MRNIP: variants seen among roughly 807,000 people sequenced by gnomAD.
MRNIP encodes MRN complex interacting protein.
Under a neutral mutation model 29.8 loss-of-function variants are expected in MRNIP, and 30 were observed. The ratio of observed to expected loss-of-function variants is 1.01; its 90% CI spans 0.75 to 1.36. MRNIP has a LOEUF of 1.36. Among genes scored for constraint, MRNIP ranks in the 40% most tolerant of loss-of-function variants. The pLI is 0.00. For missense variants in MRNIP, 459 were observed against 423.5 expected, an observed-to-expected ratio of 1.08 and a Z score of -0.74; for synonymous variants, 201 against 164.1, an observed-to-expected ratio of 1.23 and a Z score of -1.72.
rs1449639129 is a variant in MRNIP at position 179,843,004 on chromosome 5, G to C, written c.292-940C>G. 1.2e-4 allele frequency among the ~76,000 whole-genome samples: 18 copies of C among 144,486 alleles called. No individual in the cohort carries two copies. The East Asian group carries it at 2.9e-3, about 23-fold the overall frequency. The allele number at this position is 144,486 out of a possible 152,430, so 94.8% of individuals were successfully genotyped here. Reference sequence around the variant, plus strand: ...GCTGAGATCACGCCACTGCACTCCGGCTGGGGGACACAGCGAGACTCTGTC... The same window carrying C: ...GCTGAGATCACGCCACTGCACTCCGCCTGGGGGACACAGCGAGACTCTGTC... On this transcript the variant is annotated intron_variant, in intron 4 of 6. Transcript: ENST00000292586.
intron 4 of MRNIP, among the ~76,000 whole-genome samples, chr5:179,843,645 T>C: frequency 6.6e-6 from 1 of 151,950 alleles, no homozygotes; most frequent in Non-Finnish European, 1.5e-5. Context: ...GAGCCTGAGG[T>C]GGGAGGATCA....
At chr5:179,841,187 C>T (rs1758868552) in intron 5 of MRNIP, 2 of 545,196 alleles carry the variant, frequency 3.7e-6, no homozygotes, top group Non-Finnish European at 6.6e-6. Context: ...TCACCGGCAC[C>T]CAGGCTGGAG....
rs558573502 is a variant in MRNIP at position 179,853,779 on chromosome 5, C to A, written c.67-342G>T. On this transcript the variant is annotated intron_variant, in intron 1 of 6. Coordinates refer to ENST00000292586, the MANE Select transcript of MRNIP (RefSeq NM_016175.4). Reference sequence around the variant, plus strand: ...AGGGTGAGACTCCATCTCAAAAAAACAAACAAACAAACAAAAAACAAATGG... The same window carrying A: ...AGGGTGAGACTCCATCTCAAAAAAAAAAACAAACAAACAAAAAACAAATGG... Among the ~76,000 whole-genome samples the A allele has an allele frequency of 7.0e-3, 1,058 of 152,028 alleles. 15 individuals are homozygous for A. The highest frequency in any genetic ancestry group is 0.025 in the African/African-American group (1,033 of 41,476).
At chr5:179,852,838 C>T (rs1010683744) in intron 2 of MRNIP, among the ~76,000 whole-genome samples, 5 of 152,138 alleles carry the variant, frequency 3.3e-5, no homozygotes, top group African/African-American at 1.2e-4. Context: ...ACTGAAAAGA[C>T]GTACTGAATG....
intron 1 of MRNIP, among the ~76,000 whole-genome samples, chr5:179,854,703 C>T (rs1759509526): frequency 6.6e-6 from 1 of 152,022 alleles, no homozygotes; most frequent in Non-Finnish European, 1.5e-5. Flanking sequence ...CTCGCAAAAC[C>T]AAATCCAAAC....
intron 1 of MRNIP, among the ~76,000 whole-genome samples, chr5:179,857,808 T>C (rs1582062158): frequency 6.6e-6 from 1 of 151,154 alleles, no homozygotes; most frequent in African/African-American, 2.4e-5. Context: ...AGGTCAGGAG[T>C]TCGAGACCGG....
chr5:179,848,905 G>A (rs1759236656), intron 2 of MRNIP, among the ~76,000 whole-genome samples: 1 of 152,216 alleles, frequency 6.6e-6, no homozygotes, highest in Non-Finnish European at 1.5e-5. Context: ...CAGCAAAGAG[G>A]CCAGCATCGC....
intron 4 of MRNIP, 122 bp downstream of exon 4, chr5:179,844,030 G>A (rs1759022825): frequency 1.3e-6 from 1 of 799,680 alleles, no homozygotes; most frequent in East Asian, 2.5e-5. Context: ...GCAGCTTTAA[G>A]CCAACTGCCT....
intron 3 of MRNIP, among the ~76,000 whole-genome samples, chr5:179,845,254 C>G (rs936108454): frequency 6.6e-6 from 1 of 151,792 alleles, no homozygotes; most frequent in Admixed American, 6.6e-5. Flanking sequence ...GGCTGGTGTG[C>G]AGTGGCACAA....
chr5:179,845,170 A>T (rs776189573), intron 3 of MRNIP, among the ~76,000 whole-genome samples: 1 of 151,668 alleles, frequency 6.6e-6, no homozygotes, highest in Non-Finnish European at 1.5e-5. Context: ...AGCTGCATTT[A>T]ATCTGTTTAA....
intron 1 of MRNIP, among the ~76,000 whole-genome samples, chr5:179,857,068 C>T (rs1333637412): frequency 6.6e-6 from 1 of 152,062 alleles, no homozygotes; most frequent in African/African-American, 2.4e-5. Flanking sequence ...ATCTGGGCGA[C>T]AAAGCGAGAC....
At chr5:179,849,530 G>A (rs1415315981) in intron 2 of MRNIP, among the ~76,000 whole-genome samples, 2 of 150,564 alleles carry the variant, frequency 1.3e-5, no homozygotes, top group East Asian at 4.0e-4. Flanking sequence ...GTCCTGCTAT[G>A]GCACAGGCAG....
At position 179,844,202 on chromosome 5, in the gene MRNIP, TG is replaced by T. The variant is rs779301278; in HGVS notation, c.240del (p.Ser81ValfsTer14). 1 of 1,614,176 alleles carries T rather than the reference TG, an allele frequency of 6.2e-7. No individual in the cohort carries two copies. Among genetic ancestry groups the T allele is most frequent in the Non-Finnish European group, 8.5e-7 (1 of 1,180,018 alleles). On this transcript the variant is annotated frameshift_variant, in exon 4 of 7. Transcript: ENST00000292586. LOFTEE classifies it high-confidence loss of function. ...TGGTGTCCCACGTTTTCTTCTTCAC[TG>T]GCACTGACAGTTTCTTCTAGAGACC... The part of the protein sequence containing the change: ...PLRSLEETVS[A>X]SEEENVGHQQ...
intron 2 of MRNIP, among the ~76,000 whole-genome samples, chr5:179,850,262 G>A (rs531767000): frequency 9.9e-5 from 15 of 152,260 alleles, no homozygotes; most frequent in African/African-American, 3.4e-4. Flanking sequence ...TGGAATTTGA[G>A]AGCATGCGTC....
rs1212988909 is a variant in MRNIP at position 179,854,017 on chromosome 5, T to A, written c.67-580A>T. Among the ~76,000 whole-genome samples, 155 of 121,360 alleles carry A rather than the reference T, an allele frequency of 1.3e-3. 1 individual carries two copies. The highest frequency in any genetic ancestry group is 2.2e-3 in the Non-Finnish European group (136 of 61,800). The allele number at this position is 121,360 out of a possible 152,430, so 79.6% of individuals were successfully genotyped here. ...GTGAGCCACCATGCCTGGCCTGAAATAATTTTTTTTTTTTTTTTTTTGAGA... is the reference window on the plus strand; with the variant it reads ...GTGAGCCACCATGCCTGGCCTGAAAAAATTTTTTTTTTTTTTTTTTTGAGA... On this transcript the variant is annotated intron_variant, in intron 1 of 6. Transcript: ENST00000292586.
intron 1 of MRNIP, among the ~76,000 whole-genome samples, chr5:179,856,950 G>A (rs1016446793): frequency 6.6e-6 from 1 of 152,124 alleles, no homozygotes; most frequent in Admixed American, 6.5e-5. Flanking sequence ...ATTAGCTGGG[G>A]ATGGTGGCCC....
At chr5:179,838,674 C>CA (rs558719075) in intron 6 of MRNIP, 12 of 150,370 alleles carry the variant, frequency 8.0e-5, no homozygotes, top group African/African-American at 2.0e-4. Flanking sequence ...AACTCTGTCT[C>CA]AAAAAAAAGA....
chr5:179,838,008 A>G, intron 6 of MRNIP, 123 bp from the exon 7 acceptor site: 1 of 859,800 alleles, frequency 1.2e-6, no homozygotes, highest in Non-Finnish European at 1.8e-6. Flanking sequence ...GGAAGCTGTC[A>G]GGCTGGGACA....
intron 1 of MRNIP, among the ~76,000 whole-genome samples, chr5:179,858,284 A>G (rs995227850): frequency 6.6e-6 from 1 of 152,190 alleles, no homozygotes; most frequent in African/African-American, 2.4e-5. Flanking sequence ...GCGAACAGCC[A>G]TATCAAGTCC....
Sources: allele counts gnomAD v4.1 joint callset (sites outside exome capture counted in the v4.1 genomes callset), GRCh38; gene constraint gnomAD v4.1.1; transcripts MANE v1.5; gene names NCBI Gene and HGNC (gene_info 2026-07-23, HGNC 2026-07-21).